CDKN2B-AS1: variants seen among roughly 807,000 people sequenced by gnomAD.
CDKN2B-AS1 encodes the protein CDKN2B and CDKN2A antisense cis and trans regulatory RNA 1, also known as CDKN2B antisense RNA 1 (non-protein coding).
intron 4 of CDKN2B-AS1, among the ~76,000 whole-genome samples, chr9:22,126,642 G>T (rs901512625): frequency 2.2e-5 from 3 of 135,168 alleles, no homozygotes; most frequent in African/African-American, 5.7e-5. Context: ...GCGCTATCTC[G>T]GCTCACTGCA....
chr9:22,059,384 G>C (rs1242350887), intron 4 of CDKN2B-AS1, among the ~76,000 whole-genome samples: 1 of 152,154 alleles, frequency 6.6e-6, no homozygotes, highest in Non-Finnish European at 1.5e-5. Flanking sequence ...AAAATCCAGC[G>C]AGGCAGTCAA....
chr9:22,059,582 G>A (rs962236499), intron 4 of CDKN2B-AS1, among the ~76,000 whole-genome samples: 4 of 152,190 alleles, frequency 2.6e-5, no homozygotes, highest in African/African-American at 4.8e-5. Flanking sequence ...AATAGTGTAA[G>A]CTATTGGTAG....
chr9:22,009,091 C>G, intron 1 of CDKN2B-AS1: 1 of 1,327,098 alleles, frequency 7.5e-7, no homozygotes, highest in Non-Finnish European at 1.1e-6. Context: ...TCATTACCCT[C>G]CCGTCGTCCT....
chr9:22,087,171 A>G (rs575914189), intron 4 of CDKN2B-AS1, among the ~76,000 whole-genome samples: 24 of 152,214 alleles, frequency 1.6e-4, no homozygotes, highest in Non-Finnish European at 3.1e-4. Context: ...AACTTTGCTT[A>G]TGAAATGGGA....
chr9:22,059,906 T>C (rs10757268), intron 4 of CDKN2B-AS1, among the ~76,000 whole-genome samples: 120,946 of 152,222 alleles, frequency 0.79, 49,051 homozygotes, highest in African/African-American at 0.95. Flanking sequence ...CTGAGCTATA[T>C]ATTGGCCTCT....
intron 4 of CDKN2B-AS1, among the ~76,000 whole-genome samples, chr9:22,111,072 A>C (rs531768955): frequency 2.7e-4 from 41 of 152,226 alleles, no homozygotes; most frequent in African/African-American, 9.4e-4. Flanking sequence ...TTATTCTACC[A>C]TTGTTGGATA....
intron 1 of CDKN2B-AS1, among the ~76,000 whole-genome samples, chr9:22,027,250 A>AT (rs1563931096): frequency 1.3e-5 from 2 of 151,756 alleles, no homozygotes; most frequent in South Asian, 2.1e-4. Flanking sequence ...ATCATTATGA[A>AT]TTTTTTTACA....
At position 22,006,912 on chromosome 9, in the gene CDKN2B-AS1, A is replaced by C. The variant is rs1204638584; in HGVS notation, n.29+11751A>C. Among the ~76,000 whole-genome samples the C allele has an allele frequency of 6.6e-6, 1 of 152,128 alleles. No individual in the cohort carries two copies. The highest frequency in any genetic ancestry group is 1.9e-4 in the East Asian group (1 of 5,202). On this transcript the variant is annotated intron_variant and non_coding_transcript_variant, in intron 1 of 4. Coordinates refer to ENST00000650946, the Ensembl canonical transcript of CDKN2B-AS1. This position sits in a 1 kb window ranked among gnomAD's most constrained non-coding sequence, Gnocchi z 6.4. The stretch of plus-strand genomic sequence containing the variant: ...AAATTAAATCATGCAAAATCTTATA[A>C]AATTATAATAAATGATTTTTCCTTA...
rs1820712690 is a variant in CDKN2B-AS1 at position 21,996,852 on chromosome 9, G to T, written n.29+1691G>T. On this transcript the variant is annotated intron_variant and non_coding_transcript_variant, in intron 1 of 4. Coordinates refer to ENST00000650946, the Ensembl canonical transcript of CDKN2B-AS1. The surrounding 1 kb of genome is among the most constrained non-coding windows in gnomAD (Gnocchi z 5.4). ...GAGTGGGAGCGGTGAGGGTTTCTTG[G>T]GCCTAGACAATGTAACTAGTTGTTG... is the stretch of plus-strand genomic sequence containing the variant. Among the ~76,000 whole-genome samples, 1 of 152,138 alleles carries T rather than the reference G, an allele frequency of 6.6e-6. No individual in the cohort carries two copies. Among genetic ancestry groups the T allele is most frequent in the Non-Finnish European group, 1.5e-5 (1 of 68,034 alleles).
intron 4 of CDKN2B-AS1, among the ~76,000 whole-genome samples, chr9:22,113,280 G>A (rs1024665459): frequency 7.9e-5 from 12 of 152,146 alleles, no homozygotes; most frequent in Admixed American, 5.2e-4. Context: ...CCATCCATAT[G>A]ATCCCCTCCA....
At chr9:22,028,788 C>G (rs1822344037) in intron 1 of CDKN2B-AS1, among the ~76,000 whole-genome samples, 1 of 152,118 alleles carries the variant, frequency 6.6e-6, no homozygotes, top group Non-Finnish European at 1.5e-5. Flanking sequence ...AGTGTCACTT[C>G]AGAAAACTCT....
intron 4 of CDKN2B-AS1, among the ~76,000 whole-genome samples, chr9:22,056,551 T>A (rs998853448): frequency 1.3e-5 from 2 of 152,022 alleles, no homozygotes; most frequent in Non-Finnish European, 2.9e-5. Context: ...GTGACTGTTT[T>A]CTCCTTTTTG....
chr9:22,060,729 T>TA (rs1823782032), intron 4 of CDKN2B-AS1, among the ~76,000 whole-genome samples: 1 of 152,182 alleles, frequency 6.6e-6, no homozygotes, highest in Non-Finnish European at 1.5e-5. Flanking sequence ...TCATTGGACT[T>TA]ACAGTTAGTT....
At chr9:22,095,264 C>T (rs968814580) in intron 4 of CDKN2B-AS1, among the ~76,000 whole-genome samples, 2 of 144,734 alleles carry the variant, frequency 1.4e-5, no homozygotes, top group African/African-American at 2.9e-5. Context: ...GGGTCAGGGA[C>T]CCACCTGAGG....
intron 4 of CDKN2B-AS1, among the ~76,000 whole-genome samples, chr9:22,060,925 C>T (rs563661325): frequency 3.3e-4 from 50 of 152,080 alleles, no homozygotes; most frequent in Non-Finnish European, 4.9e-4. Flanking sequence ...GATTCAGTTA[C>T]CTCACCCTGG....
rs572295707 is a variant in CDKN2B-AS1 at position 22,079,011 on chromosome 9, A to T, written n.438+22624A>T. Reference sequence around the variant, plus strand: ...CCATTATGGAAGCCTTATCAGAGAGATGGGGACAAGTCGCCCCAAAGCAGT... The same window carrying T: ...CCATTATGGAAGCCTTATCAGAGAGTTGGGGACAAGTCGCCCCAAAGCAGT... On this transcript the variant is annotated intron_variant and non_coding_transcript_variant, in intron 4 of 4. Transcript: ENST00000650946. Among the ~76,000 whole-genome samples, 10 of 152,350 alleles carry T rather than the reference A, an allele frequency of 6.6e-5. 1 individual carries two copies. The South Asian group carries it at 2.1e-3, about 32-fold the overall frequency.
At chr9:22,009,097 G>C (rs1563917205) in intron 1 of CDKN2B-AS1, 6 of 1,281,150 alleles carry the variant, frequency 4.7e-6, no homozygotes, top group Non-Finnish European at 5.5e-6. Context: ...CCCTCCCGTC[G>C]TCCTTCTGCG....
chr9:22,091,290 G>A (rs977422130), intron 4 of CDKN2B-AS1, among the ~76,000 whole-genome samples: 1 of 152,164 alleles, frequency 6.6e-6, no homozygotes, highest in African/African-American at 2.4e-5. Flanking sequence ...TTTTGGCTTA[G>A]GATTGACTTG....
chr9:22,059,372 C>T (rs191962279), intron 4 of CDKN2B-AS1, among the ~76,000 whole-genome samples: 1 of 152,278 alleles, frequency 6.6e-6, no homozygotes, highest in Non-Finnish European at 1.5e-5. Context: ...CCATGCAAGT[C>T]CAAAATCCAG....
Sources: allele counts gnomAD v4.1 joint callset (sites outside exome capture counted in the v4.1 genomes callset), GRCh38; gene constraint gnomAD v4.1.1; non-coding constraint Gnocchi (gnomAD v3.1); transcripts MANE v1.5; gene names NCBI Gene and HGNC (gene_info 2026-07-23, HGNC 2026-07-21).